Variants in ERN1 observed in about 807,000 individuals in gnomAD.
The protein encoded by ERN1 is endoplasmic reticulum to nucleus signaling 1.
Under a neutral mutation model 113.1 loss-of-function variants are expected in ERN1, and 39 were observed. The observed-to-expected ratio is 0.34, with a 90% confidence interval of 0.27 to 0.45. The LOEUF (loss-of-function observed/expected upper bound fraction) is 0.45. Ranked by LOEUF, ERN1 falls within the 20% of genes least tolerant of loss-of-function variation. The pLI, the probability that ERN1 is intolerant of heterozygous loss-of-function variation, is 1.00. For missense variants in ERN1, 976 were observed against 1,274.8 expected (o/e 0.77, Z 3.57); for synonymous variants, 507 against 515.9 (o/e 0.98, Z 0.23).
At chr17:64,057,707 G>A in intron 12 of ERN1, 95 bp downstream of exon 12, 1 of 1,174,294 alleles carries the variant, frequency 8.5e-7, no homozygotes, top group Admixed American at 2.0e-5. Context: ...AAAGAAATGT[G>A]CTGGTTGTTT....
At chr17:64,050,830 C>T (rs568840950) in intron 17 of ERN1, among the ~76,000 whole-genome samples, 39 of 152,272 alleles carry the variant, frequency 2.6e-4, no homozygotes, top group Non-Finnish European at 4.7e-4. Flanking sequence ...TATGATTCTT[C>T]GCTGTAACTG....
rs1912290032 is a variant in ERN1 at position 64,040,053 on chromosome 17, G to A, written c.*3935C>T. The A allele has an allele frequency of 6.6e-6, 1 of 152,236 alleles. No individual in the cohort carries two copies. Among genetic ancestry groups the A allele is most frequent in the East Asian group, 1.9e-4 (1 of 5,202 alleles). 9.4% of individuals were successfully genotyped at this position (152,236 alleles called of 1,614,324 possible). A position where few individuals can be genotyped will look rare whatever the true frequency, so the allele number is the denominator to read the frequency against. On this transcript the variant is annotated 3_prime_UTR_variant, in exon 22 of 22. Transcript: ENST00000433197. ...AGGGTGGAATTTCGGCTCACCTGGA[G>A]AGGATGCCTGATGACTTCCTGCCAG...
chr17:64,113,844 G>A (rs535222638), intron 1 of ERN1, among the ~76,000 whole-genome samples: 6 of 151,946 alleles, frequency 3.9e-5, no homozygotes, highest in East Asian at 1.9e-4. Flanking sequence ...CACCATGCCC[G>A]GCTAATTTTT....
At chr17:64,098,296 T>G (rs374985130) in intron 1 of ERN1, 55 bp from the exon 2 acceptor site, 1 of 1,610,046 alleles carries the variant, frequency 6.2e-7, no homozygotes, top group East Asian at 2.2e-5. Flanking sequence ...ACCTTGGGCA[T>G]GTACAATCAC....
chr17:64,079,824 T>C, intron 3 of ERN1, 90 bp from the exon 4 acceptor site: 1 of 984,588 alleles, frequency 1.0e-6, no homozygotes, highest in Admixed American at 2.0e-5. Flanking sequence ...GATGGAGGAA[T>C]AGAGAGTGGA....
chr17:64,067,738 C>T (rs1913280095), intron 7 of ERN1: 1 of 154,778 alleles, frequency 6.5e-6, no homozygotes, highest in Non-Finnish European at 1.4e-5. Flanking sequence ...AAGCAGAGTC[C>T]AACTTTGATA....
At position 64,057,871 on chromosome 17, in the gene ERN1, G is replaced by T; in HGVS notation, c.1329C>A (p.Asp443Glu). 1.2e-6 allele frequency: 2 copies of T among 1,614,000 alleles called. No homozygotes were observed. The highest frequency in any genetic ancestry group is 1.7e-6 in the Non-Finnish European group (2 of 1,179,876). The change falls in exon 12 of 22, where the codon GAC becomes GAA. Residue 443 changes from aspartate to glutamate, a missense_variant. Transcript: ENST00000433197. The part of the protein sequence containing the change: ...PEAPVDSMLK[D>E]MATIILSTFL... ...AGGTGCTCAGGATGATGGTAGCCATGTCCTTAAGCATGGAGTCCACGGGGG... is the reference window on the plus strand; with the variant it reads ...AGGTGCTCAGGATGATGGTAGCCATTTCCTTAAGCATGGAGTCCACGGGGG...
Position 64,053,304 on chromosome 17 carries a change from G to A in ERN1, c.2021C>T (p.Ser674Leu), listed in dbSNP as rs372670758. 6.2e-6 allele frequency: 10 copies of A among 1,611,344 alleles called. No individual in the cohort carries two copies. The highest frequency in any genetic ancestry group is 1.7e-5 in the Admixed American group (1 of 59,828). Residue 674 changes from serine (S) to leucine (L), a missense_variant, in exon 16 of 22, where the codon TCG becomes TTG. Ser to Leu is a moderately radical substitution (Grantham distance 145). Coordinates refer to ENST00000433197, the MANE Select transcript of ERN1 (RefSeq NM_001433.5). ...EPITLLQQTTSGLAHLHSLNI... is the reference protein window; with the variant it reads ...EPITLLQQTTLGLAHLHSLNI... ...GAGGGAGTGGAGGTGGGCCAGGCCCGAGGTGGTCTGCTGCAGCAAGGTGAT... is the reference window on the plus strand; with the variant it reads ...GAGGGAGTGGAGGTGGGCCAGGCCCAAGGTGGTCTGCTGCAGCAAGGTGAT...
intron 1 of ERN1, among the ~76,000 whole-genome samples, chr17:64,100,744 T>C (rs1914362501): frequency 6.6e-6 from 1 of 152,062 alleles, no homozygotes; most frequent in African/African-American, 2.4e-5. Flanking sequence ...GTCACACCAC[T>C]GCACTCTAGC....
At chr17:64,105,974 AG>A (rs1359561943) in intron 1 of ERN1, among the ~76,000 whole-genome samples, 2 of 151,886 alleles carry the variant, frequency 1.3e-5, no homozygotes, top group Non-Finnish European at 2.9e-5. Context: ...AAAAAAAAAA[AG>A]AAAGAAAACC....
intron 1 of ERN1, among the ~76,000 whole-genome samples, chr17:64,106,176 C>G (rs1358348436): frequency 6.6e-6 from 1 of 152,034 alleles, no homozygotes; most frequent in African/African-American, 2.4e-5. Context: ...AATAAATTGG[C>G]GTTAAGGGTT....
intron 9 of ERN1, 132 bp from the exon 10 acceptor site, chr17:64,064,283 A>C: frequency 1.0e-6 from 1 of 980,416 alleles, no homozygotes; most frequent in Middle Eastern, 3.4e-4. Flanking sequence ...GCAAGACACA[A>C]AGGCCCAAAG....
intron 1 of ERN1, among the ~76,000 whole-genome samples, chr17:64,120,600 A>G (rs1220864632): frequency 6.6e-6 from 1 of 152,220 alleles, no homozygotes; most frequent in East Asian, 1.9e-4. Context: ...CATTTTTTTA[A>G]CAGTGAAACA....
At chr17:64,116,654 A>ACACACACACAC (rs1555619766) in intron 1 of ERN1, among the ~76,000 whole-genome samples, 1 of 149,674 alleles carries the variant, frequency 6.7e-6, no homozygotes, top group Admixed American at 6.7e-5. Flanking sequence ...AAAAAAAAAT[A>ACACACACACAC]ACACACACAC....
intron 2 of ERN1, among the ~76,000 whole-genome samples, chr17:64,085,392 A>G (rs1004401716): frequency 1.2e-4 from 19 of 152,162 alleles, no homozygotes; most frequent in African/African-American, 4.6e-4. Flanking sequence ...AGAGGGGAGA[A>G]GGTGCCAGGC....
At chr17:64,110,639 G>GCC (rs996838793) in intron 1 of ERN1, among the ~76,000 whole-genome samples, 4 of 152,148 alleles carry the variant, frequency 2.6e-5, no homozygotes, top group African/African-American at 9.7e-5. Context: ...AAACTGATGG[G>GCC]CCCCACACAG....
chr17:64,039,377 C>T lies in ERN1; in HGVS notation c.*4611G>A, dbSNP rs917095795. On this transcript the variant is annotated 3_prime_UTR_variant, in exon 22 of 22. Transcript: ENST00000433197. The stretch of plus-strand genomic sequence containing the variant: ...AGAAGACTGTATCACACAATTAACA[C>T]GTACTAATTAAACAATTAACCATCC... 5 of 152,152 alleles carry T rather than the reference C, an allele frequency of 3.3e-5. No homozygotes were observed. The highest frequency in any genetic ancestry group is 7.2e-5 in the African/African-American group (3 of 41,440). The allele number at this position is 152,152 out of a possible 1,614,324, so 9.4% of individuals were successfully genotyped here.
In ERN1 at chr17:64,054,897, G is replaced by A; in HGVS notation, c.1673-69C>T. 4 of 1,179,764 alleles carry A rather than the reference G, an allele frequency of 3.4e-6. No individual in the cohort carries two copies. Among genetic ancestry groups the A allele is most frequent in the Non-Finnish European group, 4.9e-6 (4 of 821,126 alleles). 73.1% of individuals were successfully genotyped at this position (1,179,764 alleles called of 1,614,324 possible). A position where few individuals can be genotyped will look rare whatever the true frequency, so the allele number is the denominator to read the frequency against. ...CCTAAAGAACCTTGAGGTTAACATA[G>A]TGACAAGCTTCCTGACCTCAGATTA... is the stretch of plus-strand genomic sequence containing the variant. On this transcript the variant is annotated intron_variant, in intron 13 of 21. Transcript: ENST00000433197. The surrounding 1 kb of genome is among the most constrained non-coding windows in gnomAD (Gnocchi z 4.9).
intron 12 of ERN1, 46 bp from the exon 13 acceptor site, chr17:64,055,994 G>A: frequency 6.7e-7 from 1 of 1,495,502 alleles, no homozygotes; most frequent in Non-Finnish European, 8.9e-7. Flanking sequence ...TGTTCCCACA[G>A]GGAAACAAGC....
Sources: allele counts gnomAD v4.1 joint callset (sites outside exome capture counted in the v4.1 genomes callset), GRCh38; gene constraint gnomAD v4.1.1; non-coding constraint Gnocchi (gnomAD v3.1); transcripts MANE v1.5; gene names NCBI Gene and HGNC (gene_info 2026-07-23, HGNC 2026-07-21).